The following TSLP variants were observed in gnomAD, a reference collection of about 807,000 sequenced individuals.
TSLP encodes thymic stromal lymphopoietin, also known as thymic stroma-derived lymphopoietin.
Under a neutral mutation model 12.4 loss-of-function variants are expected in TSLP, and 12 were observed. That is an observed-to-expected ratio of 0.97 (90% CI 0.62 to 1.57). The LOEUF is 1.57. TSLP is among the 40% of genes most tolerant of loss of function. TSLP has a pLI of 0.00. For missense variants in TSLP, 222 were observed against 189.6 expected (o/e 1.17, Z -1.00); for synonymous variants, 97 against 69.5 (o/e 1.40, Z -1.97).
At chr5:111,071,565 T>A, upstream of TSLP, 1 of 1,519,142 alleles carries the variant, frequency 6.6e-7, no homozygotes, top group Non-Finnish European at 8.8e-7. Context: ...TTCCATAGAT[T>A]TAGCTACTCC....
At position 111,073,591 on chromosome 5, in the gene TSLP, C is replaced by A. The variant is rs766914212; in HGVS notation, c.297C>A (p.Ala99=). The A allele has an allele frequency of 6.2e-7, 1 of 1,614,222 alleles. No individual in the cohort carries two copies. Among genetic ancestry groups the A allele is most frequent in the Non-Finnish European group, 8.5e-7 (1 of 1,180,056 alleles). Residue 99 remains alanine (A), a synonymous_variant, in exon 3 of 4, where the codon GCC becomes GCA. Coordinates refer to ENST00000344895, the MANE Select transcript of TSLP (RefSeq NM_033035.5). ...CGTCGCTCGCCAAAGAAATGTTCGC[C>A]ATGAAAACTAAGGCTGCCTTAGCTA... ...GCASLAKEMF[A]MKTKAALAIW...
rs558197656 is a variant in TSLP at position 111,076,487 on chromosome 5, A to C, written c.*413A>C. On this transcript the variant is annotated 3_prime_UTR_variant, in exon 4 of 4. Transcript: ENST00000344895. ...ATGACACTTCTTGTGTTAAACTAAA[A>C]ATTTACAAGAGAAGAAAGTGAAAGC... is the stretch of plus-strand genomic sequence containing the variant. 33 of 157,878 alleles carry C rather than the reference A, an allele frequency of 2.1e-4. No individual in the cohort carries two copies. The South Asian group carries it at 6.3e-3, about 30-fold the overall frequency. The allele number at this position is 157,878 out of a possible 1,614,324, so 9.8% of individuals were successfully genotyped here.
rs914668990 is a variant in TSLP, at chr5:111,076,164, G to C, written c.*90G>C. 5.3e-5 allele frequency: 75 copies of C among 1,410,344 alleles called. No individual in the cohort carries two copies. The African/African-American group carries it at 1.0e-3, about 19-fold the overall frequency. 87.4% of individuals were successfully genotyped at this position (1,410,344 alleles called of 1,614,324 possible). A position where few individuals can be genotyped will look rare whatever the true frequency, so the allele number is the denominator to read the frequency against. On this transcript the variant is annotated 3_prime_UTR_variant, in exon 4 of 4. Transcript: ENST00000344895. ...CATTAACTCTAACTGTGACAAAGAAGACCACAAATAGTTATCTTTTAATTA... is the reference window on the plus strand; with the variant it reads ...CATTAACTCTAACTGTGACAAAGAACACCACAAATAGTTATCTTTTAATTA...
At chr5:111,071,656 A>C, upstream of TSLP, 1 of 1,402,168 alleles carries the variant, frequency 7.1e-7, no homozygotes, top group Non-Finnish European at 9.5e-7. Context: ...TTGGCCTAGG[A>C]GAAAAGAGCC....
upstream of TSLP, chr5:111,071,214 C>T (rs1284541186): frequency 5.0e-6 from 2 of 403,108 alleles, no homozygotes; most frequent in African/African-American, 2.0e-5. Flanking sequence ...GAAGTGCTGT[C>T]GAAGACTGAG....
At chr5:111,071,651 C>T (rs1580375038), upstream of TSLP, 8 of 1,426,030 alleles carry the variant, frequency 5.6e-6, no homozygotes, top group East Asian at 1.2e-4. Context: ...AATCATTGGC[C>T]TAGGAGAAAA....
intron 3 of TSLP, among the ~76,000 whole-genome samples, chr5:111,075,346 T>TCCTCTTTA (rs1752470748): frequency 6.6e-6 from 1 of 152,082 alleles, no homozygotes; most frequent in South Asian, 2.1e-4. Context: ...CTCTTTAAAA[T>TCCTCTTTA]AAGCCCTCAG....
Position 111,071,915 on chromosome 5 carries a change from G to A in TSLP, c.25G>A (p.Val9Ile), listed in dbSNP as rs145720113. The part of the protein sequence containing the change: MFPFALLY[V>I]LSVSFRKIFI... ...TATGTTCCCTTTTGCCTTACTATATGTTCTGTCAGTTTCTTTCAGGAAAAT... is the reference window on the plus strand; with the variant it reads ...TATGTTCCCTTTTGCCTTACTATATATTCTGTCAGTTTCTTTCAGGAAAAT... Residue 9 changes from valine (V) to isoleucine (I), a missense_variant, in exon 1 of 4, where the codon GTT becomes ATT. Val to Ile is a conservative substitution (Grantham distance 29). Coordinates refer to ENST00000344895, the MANE Select transcript of TSLP (RefSeq NM_033035.5). 3.7e-6 allele frequency: 6 copies of A among 1,614,194 alleles called. No homozygotes were observed. The highest frequency in any genetic ancestry group is 5.1e-6 in the Non-Finnish European group (6 of 1,180,016).
chr5:111,075,936 T>C lies in TSLP; in HGVS notation c.352-10T>C, dbSNP rs1301731533. On this transcript the variant is annotated splice_polypyrimidine_tract_variant and intron_variant, in intron 3 of 3. Coordinates refer to ENST00000344895, the MANE Select transcript of TSLP (RefSeq NM_033035.5). ...AAGTAATTTTGACTATTGATTCTTATATTCTGCAGATAAATGCTACTCAGG... is the reference window on the plus strand; with the variant it reads ...AAGTAATTTTGACTATTGATTCTTACATTCTGCAGATAAATGCTACTCAGG... 1 of 1,610,868 alleles carries C rather than the reference T, an allele frequency of 6.2e-7. No homozygotes were observed. Among genetic ancestry groups the C allele is most frequent in the Non-Finnish European group, 8.5e-7 (1 of 1,179,140 alleles).
Position 111,071,714 on chromosome 5 carries a change from T to TGCTC in TSLP, c.-177_-176insGCTC. ...AGTGCAGCCAGAAAGCTCTGGAGCA[T>TGCTC]CAGGGAGACTCCAACTTAAGGCAAC... On this transcript the variant is annotated 5_prime_UTR_variant, in exon 1 of 4. In the 5' UTR this introduces an upstream ATG that the reference lacks. Coordinates refer to ENST00000344895, the MANE Select transcript of TSLP (RefSeq NM_033035.5). The TGCTC allele has an allele frequency of 8.3e-7, 1 of 1,203,150 alleles. No individual in the cohort carries two copies. Among genetic ancestry groups the TGCTC allele is most frequent in the Non-Finnish European group, 1.1e-6 (1 of 869,608 alleles). 74.5% of individuals were successfully genotyped at this position (1,203,150 alleles called of 1,614,324 possible). A position where few individuals can be genotyped will look rare whatever the true frequency, so the allele number is the denominator to read the frequency against.
chr5:111,076,294 T>C lies in TSLP; in HGVS notation c.*220T>C. 1 of 528,260 alleles carries C rather than the reference T, an allele frequency of 1.9e-6. No homozygotes were observed. The highest frequency in any genetic ancestry group is 3.6e-5 in the East Asian group (1 of 27,552). The allele number at this position is 528,260 out of a possible 1,614,324, so 32.7% of individuals were successfully genotyped here. A position where few individuals can be genotyped will look rare whatever the true frequency, so the allele number is the denominator to read the frequency against. On this transcript the variant is annotated 3_prime_UTR_variant, in exon 4 of 4. Coordinates refer to ENST00000344895, the MANE Select transcript of TSLP (RefSeq NM_033035.5). ...TTGAGGGAAGCTTCCATAACATTGA[T>C]GACTGGCTTCATGGCAGTAATTCTC...
In TSLP at chr5:111,077,966, T is replaced by G. The variant is rs1752559503; in HGVS notation, c.*1892T>G. 6.6e-6 allele frequency: 1 copy of G among 152,606 alleles called. No homozygotes were observed. Among genetic ancestry groups the G allele is most frequent in the African/African-American group, 2.4e-5 (1 of 41,444 alleles). The allele number at this position is 152,606 out of a possible 1,614,324, so 9.5% of individuals were successfully genotyped here. On this transcript the variant is annotated 3_prime_UTR_variant, in exon 4 of 4. Transcript: ENST00000344895. ...TTGAGGCTTTCTTGGTGGACTAGTA[T>G]AGTATACGGTCAGTTATGTCAATGT...
At position 111,077,436 on chromosome 5, in the gene TSLP, G is replaced by A. The variant is rs1407567891; in HGVS notation, c.*1362G>A. 6.6e-6 allele frequency: 1 copy of A among 152,332 alleles called. No individual in the cohort carries two copies. Among genetic ancestry groups the A allele is most frequent in the African/African-American group, 2.4e-5 (1 of 41,572 alleles). The allele number at this position is 152,332 out of a possible 1,614,324, so 9.4% of individuals were successfully genotyped here. ...GTAGGTAAGACTCAGCCTTTGTCCA[G>A]AGAAGCTCAGGGTATAGCTGAATAG... is the stretch of plus-strand genomic sequence containing the variant. On this transcript the variant is annotated 3_prime_UTR_variant, in exon 4 of 4. Transcript: ENST00000344895.
upstream of TSLP, chr5:111,071,434 C>A (rs757611714): frequency 6.6e-7 from 1 of 1,519,050 alleles, no homozygotes; most frequent in African/African-American, 1.4e-5. Context: ...ACGGAAATGC[C>A]CTGTAGGAGA....
intron 2 of TSLP, 148 bp downstream of exon 2, chr5:111,073,080 A>G: frequency 2.0e-6 from 2 of 1,018,974 alleles, no homozygotes; most frequent in Non-Finnish European, 2.9e-6. Flanking sequence ...GGGCTGTCAG[A>G]GCGGGGCTGC....
chr5:111,073,240 G>A, intron 2 of TSLP: 1 of 1,381,522 alleles, frequency 7.2e-7, no homozygotes, highest in Non-Finnish European at 9.4e-7. Flanking sequence ...CGGAATTTTG[G>A]CAGCCTCCGC....
intron 3 of TSLP, among the ~76,000 whole-genome samples, chr5:111,073,914 A>G (rs766247557): frequency 1.3e-5 from 2 of 152,174 alleles, no homozygotes; most frequent in East Asian, 1.9e-4. Context: ...TGAGACTTCT[A>G]TATCAGAATG....
At position 111,073,637 on chromosome 5, in the gene TSLP, G is replaced by A; in HGVS notation, c.343G>A (p.Glu115Lys). The A allele has an allele frequency of 6.2e-7, 1 of 1,614,190 alleles. No individual in the cohort carries two copies. The highest frequency in any genetic ancestry group is 8.5e-7 in the Non-Finnish European group (1 of 1,180,030). ...ALAIWCPGYS[E>K]TQINATQAMK... ...AGCTATCTGGTGCCCAGGCTATTCG[G>A]AAACTCAGGTAAGCCCGAAGCCTCA... The change falls in exon 3 of 4, where the codon GAA becomes AAA. Residue 115 changes from glutamate to lysine, a missense_variant. By Grantham distance (56) the Glu-to-Lys change is moderately conservative (BLOSUM62 1). Transcript: ENST00000344895.
In TSLP at chr5:111,076,780, A is replaced by G. The variant is rs1752518620; in HGVS notation, c.*706A>G. 6.6e-6 allele frequency: 1 copy of G among 152,220 alleles called. No homozygotes were observed. 9.4% of individuals were successfully genotyped at this position (152,220 alleles called of 1,614,324 possible). On this transcript the variant is annotated 3_prime_UTR_variant, in exon 4 of 4. Transcript: ENST00000344895. ...GACACTATATATTTCTTAATAAAATAATTCTCAAATTTGTTTCTTATGAAT... is the reference window on the plus strand; with the variant it reads ...GACACTATATATTTCTTAATAAAATGATTCTCAAATTTGTTTCTTATGAAT...
Sources: gnomAD v4.1 joint callset for allele counts (sites outside exome capture counted in the v4.1 genomes callset) on GRCh38, gnomAD v4.1.1 for gene constraint, MANE v1.5 for transcripts, NCBI Gene and HGNC (gene_info 2026-07-23, HGNC 2026-07-21) for gene names.